The following ZNF33A variants were observed in gnomAD, a reference collection of about 807,000 sequenced individuals.
The protein encoded by ZNF33A is brain my041 protein.
In ZNF33A, 9 loss-of-function variants were observed where a neutral mutation model predicts 15.9. The observed-to-expected ratio is 0.57, with a 90% confidence interval of 0.34 to 0.99. ZNF33A has a LOEUF of 0.99. ZNF33A is among the 50% of genes least tolerant of loss of function. The pLI, the probability that ZNF33A is intolerant of heterozygous loss-of-function variation, is 0.02. For synonymous variants in ZNF33A, 294 were observed against 324.2 expected, an observed-to-expected ratio of 0.91 and a Z score of 1.00; for missense variants, 843 against 941.6, an observed-to-expected ratio of 0.90 and a Z score of 1.37.
rs185654831 is a variant in ZNF33A, at chr10:38,039,916, G to T, written c.251-14459G>T. On this transcript the variant is annotated intron_variant, in intron 4 of 4. Transcript: ENST00000432900. ...TGCTTTCCTGCCTTCTGCTTGATTTGGTTTTGTATTGCTGCTCCTGTCCAA... is the reference window on the plus strand; with the variant it reads ...TGCTTTCCTGCCTTCTGCTTGATTTTGTTTTGTATTGCTGCTCCTGTCCAA... Among the ~76,000 whole-genome samples the T allele has an allele frequency of 4.0e-5, 6 of 150,980 alleles. No homozygotes were observed. In the East Asian group the frequency reaches 1.2e-3, roughly 30 times the overall value.
chr10:38,036,261 A>T (rs1010429728), intron 4 of ZNF33A, among the ~76,000 whole-genome samples: 1 of 152,040 alleles, frequency 6.6e-6, no homozygotes, highest in Non-Finnish European at 1.5e-5. Context: ...CCAACGTGGT[A>T]AAACCCTGTC....
downstream of ZNF33A, among the ~76,000 whole-genome samples, chr10:38,066,000 A>C (rs1289008944): frequency 2.0e-5 from 3 of 152,034 alleles, no homozygotes; most frequent in Non-Finnish European, 2.9e-5. Context: ...CCTGGGACAC[A>C]CTTTCATTCT....
Position 38,057,495 on chromosome 10 carries a change from G to A in ZNF33A, c.*935G>A. 3.0e-6 allele frequency: 3 copies of A among 985,426 alleles called. No individual in the cohort carries two copies. Among genetic ancestry groups the A allele is most frequent in the Non-Finnish European group, 3.6e-6 (3 of 829,932 alleles). 61.0% of individuals were successfully genotyped at this position (985,426 alleles called of 1,614,324 possible). ...ATGGAATTTAACGTAATTGTGAATAGGAAGTAGGTATCCTAGTTTAGTAGT... is the reference window on the plus strand; with the variant it reads ...ATGGAATTTAACGTAATTGTGAATAAGAAGTAGGTATCCTAGTTTAGTAGT... On this transcript the variant is annotated 3_prime_UTR_variant, in exon 5 of 5. Coordinates refer to ENST00000432900, the MANE Select transcript of ZNF33A (RefSeq NM_006954.2).
intron 4 of ZNF33A, among the ~76,000 whole-genome samples, chr10:38,022,195 G>A (rs1364943019): frequency 6.6e-6 from 1 of 152,076 alleles, no homozygotes; most frequent in Non-Finnish European, 1.5e-5. Flanking sequence ...GAAACATAGG[G>A]TTCTTTGGGA....
intron 4 of ZNF33A, among the ~76,000 whole-genome samples, chr10:38,020,441 TATTC>T (rs1423008497): frequency 2.0e-5 from 3 of 152,116 alleles, no homozygotes; most frequent in Admixed American, 2.0e-4. Context: ...TATTAGGTCT[TATTC>T]ATTCTTTCTA....
chr10:38,061,289 C>T (rs1271982462), downstream of ZNF33A, among the ~76,000 whole-genome samples: 1 of 152,130 alleles, frequency 6.6e-6, no homozygotes, highest in Non-Finnish European at 1.5e-5. Context: ...TCCTGTGCTG[C>T]TCCTTCACTT....
rs1412345491 is a variant in ZNF33A, at chr10:38,055,283, T to A, written c.1159T>A (p.Cys387Ser). The A allele has an allele frequency of 1.4e-5, 22 of 1,613,982 alleles. No individual in the cohort carries two copies. In the Admixed American group the frequency reaches 3.7e-4, roughly 27 times the overall value. The change falls in exon 5 of 5, where the codon TGC becomes AGC. Residue 387 changes from cysteine to serine, a missense_variant. By Grantham distance (112) the Cys-to-Ser change is moderately radical. Transcript: ENST00000432900. ...RSHTGEKPFE[C>S]NECGKAFSHK... ...ACACACAGGGGAGAAACCTTTTGAA[T>A]GCAATGAATGTGGGAAAGCCTTTAG... is the stretch of plus-strand genomic sequence containing the variant.
intron 4 of ZNF33A, among the ~76,000 whole-genome samples, chr10:38,023,021 C>G (rs375177428): frequency 6.6e-5 from 10 of 152,188 alleles, no homozygotes; most frequent in South Asian, 4.1e-4. Flanking sequence ...TCTCGGCTCA[C>G]CGCAACCTCT....
At chr10:38,040,556 CCT>C (rs1316187222) in intron 4 of ZNF33A, among the ~76,000 whole-genome samples, 1 of 151,992 alleles carries the variant, frequency 6.6e-6, no homozygotes, top group African/African-American at 2.4e-5. Flanking sequence ...ATAAAATTCC[CCT>C]CTTTATCCTT....
At position 38,054,912 on chromosome 10, in the gene ZNF33A, T is replaced by A. The variant is rs1367601997; in HGVS notation, c.788T>A (p.Leu263Ter). Reference sequence around the variant, plus strand: ...ACTTTGTGTGATAGTTCATCCCTCTTGTTCCATCAGATATCTCCGTCAAGG... The same window carrying A: ...ACTTTGTGTGATAGTTCATCCCTCTAGTTCCATCAGATATCTCCGTCAAGG... ...GRTLCDSSSL[L>*]FHQISPSRDN... The change falls in exon 5 of 5, where the codon TTG becomes TAG. Residue 263 changes from leucine to a stop codon, truncating the protein, a stop_gained. Coordinates refer to ENST00000432900, the MANE Select transcript of ZNF33A (RefSeq NM_006954.2). LOFTEE classifies it low-confidence loss of function (END_TRUNC). 6.2e-7 allele frequency: 1 copy of A among 1,613,954 alleles called. No homozygotes were observed.
In ZNF33A at chr10:38,016,778, A is replaced by C. The variant is rs2064467741; in HGVS notation, c.10-93A>C. On this transcript the variant is annotated intron_variant, in intron 2 of 4. Coordinates refer to ENST00000432900, the MANE Select transcript of ZNF33A (RefSeq NM_006954.2). Reference sequence around the variant, plus strand: ...CTGTTATGATTTCTTTTTCCCTAAAAGTATAAAACAAAACAATATTCTGTG... The same window carrying C: ...CTGTTATGATTTCTTTTTCCCTAAACGTATAAAACAAAACAATATTCTGTG... 4 of 1,415,990 alleles carry C rather than the reference A, an allele frequency of 2.8e-6. No homozygotes were observed. In the East Asian group the frequency reaches 7.3e-5, roughly 26 times the overall value. 87.7% of individuals were successfully genotyped at this position (1,415,990 alleles called of 1,614,324 possible). A position where few individuals can be genotyped will look rare whatever the true frequency, so the allele number is the denominator to read the frequency against.
At chr10:38,026,844 G>C (rs192432921) in intron 4 of ZNF33A, among the ~76,000 whole-genome samples, 7 of 152,022 alleles carry the variant, frequency 4.6e-5, no homozygotes, top group African/African-American at 1.7e-4. Flanking sequence ...GCCATTAAGC[G>C]GTAACTACTC....
chr10:38,052,366 A>C (rs976631644), intron 4 of ZNF33A, among the ~76,000 whole-genome samples: 8 of 152,138 alleles, frequency 5.3e-5, no homozygotes, highest in Admixed American at 1.3e-4. Flanking sequence ...TCCATTTGCA[A>C]TAGTATCAAA....
At chr10:38,025,402 C>T (rs1346996291) in intron 4 of ZNF33A, among the ~76,000 whole-genome samples, 2 of 152,286 alleles carry the variant, frequency 1.3e-5, no homozygotes, top group South Asian at 2.1e-4. Flanking sequence ...AGATATGCAG[C>T]CCTTGGCAGG....
At chr10:38,046,271 A>G (rs2065943117) in intron 4 of ZNF33A, among the ~76,000 whole-genome samples, 1 of 152,196 alleles carries the variant, frequency 6.6e-6, no homozygotes, top group African/African-American at 2.4e-5. Flanking sequence ...CGGCTCATGT[A>G]TATGAGGAAA....
chr10:38,056,113 G>T lies in ZNF33A; in HGVS notation c.1989G>T (p.Lys663Asn), dbSNP rs776586900. ...ATCAGAGAACCCATACACAAGAAAA[G>T]CCCTATAAATGTAATGAATGTGGAA... ...IVHQRTHTQE[K>N]PYKCNECGKS... Residue 663 changes from lysine to asparagine, a missense_variant, in exon 5 of 5, where the codon AAG (lysine) becomes AAT (asparagine). By Grantham distance (94) the Lys-to-Asn change is moderately conservative. Transcript: ENST00000432900. 1.2e-6 allele frequency: 2 copies of T among 1,613,726 alleles called. No individual in the cohort carries two copies. The highest frequency in any genetic ancestry group is 3.3e-5 in the Admixed American group (2 of 59,948).
chr10:38,031,746 T>C (rs1267188451), intron 4 of ZNF33A, among the ~76,000 whole-genome samples: 5 of 151,880 alleles, frequency 3.3e-5, no homozygotes, highest in Admixed American at 2.6e-4. Context: ...GGGCAGATCA[T>C]GAGGTCAGGA....
intron 4 of ZNF33A, among the ~76,000 whole-genome samples, chr10:38,027,226 G>A (rs1347124079): frequency 3.3e-5 from 5 of 151,258 alleles, no homozygotes; most frequent in Non-Finnish European, 7.4e-5. Flanking sequence ...GAACCACACA[G>A]GCATTTCCAG....
intron 4 of ZNF33A, among the ~76,000 whole-genome samples, chr10:38,043,354 G>C (rs2135705458): frequency 6.9e-6 from 1 of 143,976 alleles, no homozygotes; most frequent in Middle Eastern, 3.5e-3. Flanking sequence ...TTGTGGGGTA[G>C]GGGGAGGGGG....
Sources: gnomAD v4.1 joint callset for allele counts (sites outside exome capture counted in the v4.1 genomes callset) on GRCh38, gnomAD v4.1.1 for gene constraint, MANE v1.5 for transcripts, NCBI Gene and HGNC (gene_info 2026-07-23, HGNC 2026-07-21) for gene names.